XRCC4: variants seen among roughly 807,000 people sequenced by gnomAD.
XRCC4 encodes the protein DNA repair protein XRCC4.
Under a neutral mutation model 39.1 loss-of-function variants are expected in XRCC4, and 28 were observed. The ratio of observed to expected loss-of-function variants is 0.72; its 90% CI spans 0.53 to 0.98. The LOEUF is 0.98. Among genes scored for constraint, XRCC4 ranks in the 50% least tolerant of loss-of-function variants. The pLI, the probability that XRCC4 is intolerant of heterozygous loss-of-function variation, is 0.00. For missense variants in XRCC4, 350 were observed against 376.4 expected (o/e 0.93, Z 0.58); for synonymous variants, 123 against 126.4 (o/e 0.97, Z 0.18).
At chr5:83,078,471 A>T (rs1010957255) in intron 1 of XRCC4, among the ~76,000 whole-genome samples, 2 of 152,206 alleles carry the variant, frequency 1.3e-5, no homozygotes, top group African/African-American at 2.4e-5. Context: ...TAGAAGGTGG[A>T]TAGAGAGAAA....
intron 7 of XRCC4, among the ~76,000 whole-genome samples, chr5:83,278,759 G>T (rs1327859198): frequency 2.0e-5 from 3 of 151,926 alleles, no homozygotes; most frequent in Non-Finnish European, 4.4e-5. Flanking sequence ...GCCGAGGTGG[G>T]TGGATTACCT....
chr5:83,125,951 C>T (rs57824349), intron 3 of XRCC4, among the ~76,000 whole-genome samples: 6 of 137,900 alleles, frequency 4.4e-5, no homozygotes, highest in Non-Finnish European at 9.1e-5. Flanking sequence ...CCATTGCACT[C>T]TAGCCTGGGC....
At chr5:83,101,203 T>A (rs905476463) in intron 1 of XRCC4, among the ~76,000 whole-genome samples, 14 of 152,230 alleles carry the variant, frequency 9.2e-5, no homozygotes, top group African/African-American at 3.4e-4. Context: ...TTCTGACTTT[T>A]TATAATGTTT....
At chr5:83,354,426 C>T (rs1395597995), downstream of XRCC4, among the ~76,000 whole-genome samples, 1 of 152,070 alleles carries the variant, frequency 6.6e-6, no homozygotes, top group Admixed American at 6.6e-5. Flanking sequence ...GTTAATATCT[C>T]CAAAATTACG....
intron 7 of XRCC4, among the ~76,000 whole-genome samples, chr5:83,346,162 C>T (rs1391435753): frequency 6.6e-6 from 1 of 152,084 alleles, no homozygotes; most frequent in Non-Finnish European, 1.5e-5. Context: ...TTAATGTTTC[C>T]TCTTTAATTC....
chr5:83,212,531 GA>G (rs981938878), intron 6 of XRCC4, among the ~76,000 whole-genome samples: 2 of 151,792 alleles, frequency 1.3e-5, no homozygotes, highest in East Asian at 1.9e-4. Flanking sequence ...GAGAAAGGTA[GA>G]AAAAAAATAC....
intron 3 of XRCC4, among the ~76,000 whole-genome samples, chr5:83,152,576 T>C (rs930152100): frequency 6.9e-6 from 1 of 145,752 alleles, no homozygotes; most frequent in Non-Finnish European, 1.5e-5. Context: ...GAGGTTGCAG[T>C]GAGCCAAGAT....
rs140618335 is a variant in XRCC4, at chr5:83,091,425, A to G, written c.-10-13485A>G. Among the ~76,000 whole-genome samples, 142 of 152,222 alleles carry G rather than the reference A, an allele frequency of 9.3e-4. 1 individual carries two copies. The highest frequency in any genetic ancestry group is 5.8e-3 in the South Asian group (28 of 4,816). ...TGGGGGAAGTCGTCCCTGTGATCCAATCACCTCCCACCAGGTCCTAGGTCA... is the reference window on the plus strand; with the variant it reads ...TGGGGGAAGTCGTCCCTGTGATCCAGTCACCTCCCACCAGGTCCTAGGTCA... On this transcript the variant is annotated intron_variant, in intron 1 of 7. Transcript: ENST00000396027.
intron 3 of XRCC4, among the ~76,000 whole-genome samples, chr5:83,144,559 C>G (rs1263040791): frequency 1.1e-5 from 1 of 90,918 alleles, no homozygotes; most frequent in Non-Finnish European, 2.1e-5. Context: ...CCCACCCCCC[C>G]CCCCCCACCC....
chr5:83,366,989 T>A, the XRCC4 span, among the ~76,000 whole-genome samples: 2 of 152,210 alleles, frequency 1.3e-5, no homozygotes, highest in Non-Finnish European at 2.9e-5. Context: ...TTTGGCCATC[T>A]GTTCTCACCA....
rs10071579 is a variant in XRCC4 at position 83,113,925 on chromosome 5, G to A, written c.315+2722G>A. ...ACAGGCGTGAGCCACCGCACCCAGC[G>A]CAGACATTTCTATACATCATCTGAA... is the stretch of plus-strand genomic sequence containing the variant. On this transcript the variant is annotated intron_variant, in intron 3 of 7. Coordinates refer to ENST00000396027, the MANE Select transcript of XRCC4 (RefSeq NM_003401.5). Among the ~76,000 whole-genome samples the A allele has an allele frequency of 3.5e-3, 525 of 152,148 alleles. 2 individuals carry two copies. The highest frequency in any genetic ancestry group is 0.012 in the African/African-American group (480 of 41,522).
intron 7 of XRCC4, among the ~76,000 whole-genome samples, chr5:83,295,896 C>A (rs1561460243): frequency 6.6e-6 from 1 of 151,892 alleles, no homozygotes; most frequent in Non-Finnish European, 1.5e-5. Context: ...TGATTTACAT[C>A]GTGAGAAGAT....
chr5:83,228,947 A>G lies in XRCC4; in HGVS notation c.745+24026A>G, dbSNP rs180983545. On this transcript the variant is annotated intron_variant, in intron 6 of 7. Coordinates refer to ENST00000396027, the MANE Select transcript of XRCC4 (RefSeq NM_003401.5). ...AATATAGAATCTCTGTGTGTCAATA[A>G]TGGCCAAATATTGGCACTATCATGT... Among the ~76,000 whole-genome samples the G allele has an allele frequency of 3.4e-4, 51 of 152,194 alleles. No individual in the cohort carries two copies. In the East Asian group the frequency reaches 4.3e-3, roughly 13 times the overall value.
At chr5:83,343,203 G>A (rs919003347) in intron 7 of XRCC4, among the ~76,000 whole-genome samples, 3 of 151,864 alleles carry the variant, frequency 2.0e-5, no homozygotes, top group Admixed American at 6.6e-5. Context: ...CGTCGTCATC[G>A]GTGATGAGGA....
intron 3 of XRCC4, among the ~76,000 whole-genome samples, chr5:83,132,725 G>T (rs1341827678): frequency 6.6e-6 from 1 of 151,996 alleles, no homozygotes; most frequent in Non-Finnish European, 1.5e-5. Flanking sequence ...ATTGTTTTCA[G>T]CTCATTCAGG....
chr5:83,363,207 C>G, the XRCC4 span, among the ~76,000 whole-genome samples: 87 of 152,230 alleles, frequency 5.7e-4, no homozygotes, highest in African/African-American at 1.7e-3. Flanking sequence ...AGCTGAACTT[C>G]AGGGAAGACC....
chr5:83,217,706 C>T (rs1751917687), intron 6 of XRCC4, among the ~76,000 whole-genome samples: 1 of 152,126 alleles, frequency 6.6e-6, no homozygotes, highest in Non-Finnish European at 1.5e-5. Flanking sequence ...TGAATGCCTT[C>T]TCTCTCAGTG....
intron 7 of XRCC4, among the ~76,000 whole-genome samples, chr5:83,309,320 T>G (rs1288157361): frequency 8.9e-6 from 1 of 112,440 alleles, no homozygotes; most frequent in Non-Finnish European, 1.8e-5. Context: ...TATATATATA[T>G]AGGCTATGCT....
chr5:83,191,145 A>G lies in XRCC4; in HGVS notation c.316-4625A>G, dbSNP rs529036649. Among the ~76,000 whole-genome samples the G allele has an allele frequency of 7.2e-5, 11 of 152,360 alleles. No homozygotes were observed. The South Asian group carries it at 2.1e-3, about 29-fold the overall frequency. ...AGCTTGAAATCTAAAGGGAAAGACTACATTTCTGAAACAACCAAAGAAAAA... is the reference window on the plus strand; with the variant it reads ...AGCTTGAAATCTAAAGGGAAAGACTGCATTTCTGAAACAACCAAAGAAAAA... On this transcript the variant is annotated intron_variant, in intron 3 of 7. Transcript: ENST00000396027.
Sources: allele counts gnomAD v4.1 joint callset (sites outside exome capture counted in the v4.1 genomes callset), GRCh38; gene constraint gnomAD v4.1.1; transcripts MANE v1.5; gene names NCBI Gene and HGNC (gene_info 2026-07-23, HGNC 2026-07-21).